AP1B1: variants seen among roughly 807,000 people sequenced by gnomAD.
The protein encoded by AP1B1 is AP-1 complex subunit beta-1.
In AP1B1, 36 loss-of-function variants were observed where a neutral mutation model predicts 104.3. The ratio of observed to expected loss-of-function variants is 0.35; its 90% confidence interval spans 0.26 to 0.46. AP1B1 has a LOEUF of 0.46. Ranked by LOEUF, AP1B1 falls within the 20% of genes least tolerant of loss-of-function variation. The pLI is 1.00. For synonymous variants in AP1B1, 504 were observed against 517.5 expected, an observed-to-expected ratio of 0.97 and a Z score of 0.35; for missense variants, 901 against 1,247.9, an observed-to-expected ratio of 0.72 and a Z score of 4.19.
At chr22:29,350,286 C>T (rs940070669) in intron 9 of AP1B1, 136 bp from the exon 10 acceptor site, 8 of 655,536 alleles carry the variant, frequency 1.2e-5, no homozygotes, top group Non-Finnish European at 2.2e-5. Flanking sequence ...AACAGGAGAA[C>T]CCTCTCCCCA....
At chr22:29,360,381 G>A (rs555478467) in intron 3 of AP1B1, among the ~76,000 whole-genome samples, 32 of 152,132 alleles carry the variant, frequency 2.1e-4, no homozygotes, top group Admixed American at 3.3e-4. Flanking sequence ...AACATACTTA[G>A]GTATCTGGTC....
intron 6 of AP1B1, among the ~76,000 whole-genome samples, chr22:29,355,237 GAA>G (rs540473569): frequency 7.5e-6 from 1 of 133,756 alleles, no homozygotes; most frequent in Non-Finnish European, 1.6e-5. Flanking sequence ...ACCCTGTCTC[GAA>G]AAAAAAAAAA....
At chr22:29,335,257 G>A (rs138771746) in intron 16 of AP1B1, among the ~76,000 whole-genome samples, 77 of 152,256 alleles carry the variant, frequency 5.1e-4, no homozygotes, top group Non-Finnish European at 8.4e-4. Flanking sequence ...CGCCTCTCAG[G>A]CGGTTACTCT....
At position 29,331,551 on chromosome 22, in the gene AP1B1, C is replaced by A. The variant is rs886223881; in HGVS notation, c.2440-18G>T. 2 of 1,614,002 alleles carry A rather than the reference C, an allele frequency of 1.2e-6. No homozygotes were observed. Among genetic ancestry groups the A allele is most frequent in the African/African-American group, 1.3e-5 (1 of 75,030 alleles). ...ACGGCCACCTAGGCACAAGGGGGTCCCCAGTCAGTCTCTGGGGCTTGACGC... is the reference window on the plus strand; with the variant it reads ...ACGGCCACCTAGGCACAAGGGGGTCACCAGTCAGTCTCTGGGGCTTGACGC... On this transcript the variant is annotated intron_variant, in intron 18 of 22. Transcript: ENST00000357586.
At chr22:29,370,418 A>G (rs1206457870) in intron 1 of AP1B1, 1 of 149,998 alleles carries the variant, frequency 6.7e-6, no homozygotes, top group African/African-American at 2.5e-5. Flanking sequence ...GTGCCACTGC[A>G]CTCCAGCCCG....
intron 1 of AP1B1, among the ~76,000 whole-genome samples, chr22:29,372,019 G>A (rs972995082): frequency 2.0e-5 from 3 of 152,204 alleles, no homozygotes; most frequent in African/African-American, 7.2e-5. Context: ...GAGCCAGTGT[G>A]GCTGTCCTCT....
intron 11 of AP1B1, among the ~76,000 whole-genome samples, chr22:29,349,017 A>G (rs1399067511): frequency 6.6e-6 from 1 of 152,218 alleles, no homozygotes; most frequent in African/African-American, 2.4e-5. Context: ...CACGCACACC[A>G]CCACAGACTC....
chr22:29,366,212 A>G (rs2062132953), intron 2 of AP1B1, among the ~76,000 whole-genome samples: 2 of 152,280 alleles, frequency 1.3e-5, no homozygotes, highest in South Asian at 4.1e-4. Context: ...CAACCAAAAT[A>G]CCCAATGATA....
At position 29,381,271 on chromosome 22, in the gene AP1B1, C is replaced by T. The variant is rs550022681; in HGVS notation, c.-28+7153G>A. ...TAACCCTCTTTGCCCTTTTTCCCTT[C>T]AAAGTACTTATTACCTATTACCTAC... is the stretch of plus-strand genomic sequence containing the variant. On this transcript the variant is annotated intron_variant, in intron 1 of 22. Transcript: ENST00000357586. 2.4e-3 allele frequency among the ~76,000 whole-genome samples: 372 copies of T among 152,296 alleles called. 1 individual carries two copies. Among genetic ancestry groups the T allele is most frequent in the African/African-American group, 8.6e-3 (358 of 41,580 alleles).
chr22:29,386,869 C>T (rs562556971), intron 1 of AP1B1, among the ~76,000 whole-genome samples: 14 of 152,300 alleles, frequency 9.2e-5, no homozygotes, highest in Middle Eastern at 3.4e-3. Context: ...AGTCCTCCAG[C>T]CACCAAACCG....
chr22:29,348,293 G>C (rs1021704126), intron 11 of AP1B1, among the ~76,000 whole-genome samples: 2 of 152,204 alleles, frequency 1.3e-5, no homozygotes, highest in African/African-American at 4.8e-5. Flanking sequence ...CAACACTCAT[G>C]TTTCAGCTCT....
At chr22:29,373,700 C>T (rs113915098) in intron 1 of AP1B1, among the ~76,000 whole-genome samples, 6,012 of 152,040 alleles carry the variant, frequency 0.04, 389 homozygotes, top group African/African-American at 0.14. Context: ...GCCAGGAGTT[C>T]GAGACTGGCC....
At position 29,349,200 on chromosome 22, in the gene AP1B1, G is replaced by A; in HGVS notation, c.1437+18C>T. ...GCTGCCAGTCATGACTCACACCCTG[G>A]CCAGCTCGCTGGCTCACCTGTGTGC... is the stretch of plus-strand genomic sequence containing the variant. On this transcript the variant is annotated intron_variant, in intron 11 of 22. Coordinates refer to ENST00000357586, the MANE Select transcript of AP1B1 (RefSeq NM_001127.4). 1 of 1,610,290 alleles carries A rather than the reference G, an allele frequency of 6.2e-7. No individual in the cohort carries two copies. Among genetic ancestry groups the A allele is most frequent in the Middle Eastern group, 1.7e-4 (1 of 5,984 alleles).
At chr22:29,340,940 C>T in intron 13 of AP1B1, 83 bp from the exon 14 acceptor site, 1 of 1,400,178 alleles carries the variant, frequency 7.1e-7, no homozygotes. Flanking sequence ...CAGAGCTGTC[C>T]CCCAGGACAG....
Position 29,342,392 on chromosome 22 carries a change from A to T in AP1B1, c.1438-9T>A, listed in dbSNP as rs370050032. ...AGCAGCTGCAGCTGGACCTGCAGGG[A>T]ACAGCGGTGACGAGGAGGAAGTGTG... On this transcript the variant is annotated splice_polypyrimidine_tract_variant and intron_variant, in intron 11 of 22. Coordinates refer to ENST00000357586, the MANE Select transcript of AP1B1 (RefSeq NM_001127.4). 9.9e-6 allele frequency: 16 copies of T among 1,610,890 alleles called. No homozygotes were observed. Among genetic ancestry groups the T allele is most frequent in the Non-Finnish European group, 1.4e-5 (16 of 1,177,430 alleles).
intron 1 of AP1B1, among the ~76,000 whole-genome samples, chr22:29,386,207 T>C (rs2062520024): frequency 6.6e-6 from 1 of 152,152 alleles, no homozygotes; most frequent in African/African-American, 2.4e-5. Flanking sequence ...GCCAGTATTA[T>C]TTTAGAACTG....
Position 29,351,281 on chromosome 22 carries a change from G to A in AP1B1, c.1060-15C>T. On this transcript the variant is annotated splice_polypyrimidine_tract_variant and intron_variant, in intron 8 of 22. Transcript: ENST00000357586. ...TCTGCCAACACCTGTGGCCCAAACA[G>A]AAAAGATGGGGCTGGGGCACCTGAT... is the stretch of plus-strand genomic sequence containing the variant. The A allele has an allele frequency of 6.2e-7, 1 of 1,613,830 alleles. No individual in the cohort carries two copies. Among genetic ancestry groups the A allele is most frequent in the Non-Finnish European group, 8.5e-7 (1 of 1,179,750 alleles).
At chr22:29,356,760 C>G in intron 5 of AP1B1, 144 bp from the exon 6 acceptor site, 2 of 751,008 alleles carry the variant, frequency 2.7e-6, no homozygotes, top group Non-Finnish European at 4.2e-6. Context: ...TGCAACGAGA[C>G]CCACTCCAAG....
At chr22:29,373,730 C>T (rs576030642) in intron 1 of AP1B1, among the ~76,000 whole-genome samples, 2 of 152,112 alleles carry the variant, frequency 1.3e-5, no homozygotes, top group African/African-American at 4.8e-5. Context: ...TGGTGAAACC[C>T]GTCTCTAGTA....
Sources: gnomAD v4.1 joint callset for allele counts (sites outside exome capture counted in the v4.1 genomes callset) on GRCh38, gnomAD v4.1.1 for gene constraint, MANE v1.5 for transcripts, NCBI Gene and HGNC (gene_info 2026-07-23, HGNC 2026-07-21) for gene names.